The following ST6GALNAC3 variants were observed in gnomAD, a reference collection of about 807,000 sequenced individuals.
ST6GALNAC3 encodes ST6 N-acetylgalactosaminide alpha-2,6-sialyltransferase 3.
ST6GALNAC3 carries 25 observed loss-of-function variants against 32.7 expected under a neutral mutation model. That is an observed-to-expected ratio of 0.76 (90% CI 0.56 to 1.07). ST6GALNAC3 has a LOEUF of 1.07. ST6GALNAC3 is among the 50% of genes least tolerant of loss of function. The pLI is 0.00. For missense variants in ST6GALNAC3, 355 were observed against 382.4 expected, an observed-to-expected ratio of 0.93 and a Z score of 0.60; for synonymous variants, 129 against 133.1, an observed-to-expected ratio of 0.97 and a Z score of 0.21.
chr1:76,546,405 G>T (rs1664301690), intron 3 of ST6GALNAC3, among the ~76,000 whole-genome samples: 1 of 152,092 alleles, frequency 6.6e-6, no homozygotes, highest in Non-Finnish European at 1.5e-5. Context: ...ACAACTGTGG[G>T]TCTGACTCTT....
chr1:76,594,223 A>G (rs1017026026), intron 3 of ST6GALNAC3, among the ~76,000 whole-genome samples: 13 of 152,204 alleles, frequency 8.5e-5, no homozygotes, highest in African/African-American at 2.9e-4. Context: ...AGCTATTTCT[A>G]CATATCCAGA....
intron 3 of ST6GALNAC3, among the ~76,000 whole-genome samples, chr1:76,605,475 T>G (rs116399844): frequency 7.6e-4 from 115 of 152,224 alleles, no homozygotes; most frequent in African/African-American, 2.7e-3. Flanking sequence ...GGGAGAAATT[T>G]TTTGCAATCT....
Position 76,540,720 on chromosome 1 carries a change from A to T in ST6GALNAC3, c.624-86732A>T, listed in dbSNP as rs1663939182. ...GGAGTGTTGCCATTAATTAAAGAAG[A>T]TAATATTTAGAAAGGCAATTTGAAA... On this transcript the variant is annotated intron_variant, in intron 3 of 4. Coordinates refer to ENST00000328299, the MANE Select transcript of ST6GALNAC3 (RefSeq NM_152996.4). 3.3e-5 allele frequency among the ~76,000 whole-genome samples: 5 copies of T among 152,272 alleles called. No individual in the cohort carries two copies. The South Asian group carries it at 1.0e-3, about 32-fold the overall frequency.
At chr1:76,530,715 C>G (rs1663200231) in intron 3 of ST6GALNAC3, among the ~76,000 whole-genome samples, 1 of 152,084 alleles carries the variant, frequency 6.6e-6, no homozygotes, top group African/African-American at 2.4e-5. Context: ...AGGATCCTTA[C>G]AAAACAAATG....
chr1:76,522,266 A>T (rs1662590409), intron 3 of ST6GALNAC3, among the ~76,000 whole-genome samples: 1 of 151,988 alleles, frequency 6.6e-6, no homozygotes, highest in Non-Finnish European at 1.5e-5. Flanking sequence ...GATATGCCTT[A>T]ATGGTTTAAA....
chr1:76,438,489 C>T (rs768938110), intron 3 of ST6GALNAC3, among the ~76,000 whole-genome samples: 37 of 152,268 alleles, frequency 2.4e-4, no homozygotes, highest in Middle Eastern at 3.4e-3. Flanking sequence ...TTCCTAGAAA[C>T]CTCTTCAACA....
chr1:76,596,590 AT>A (rs1647141578), intron 3 of ST6GALNAC3, among the ~76,000 whole-genome samples: 1 of 152,176 alleles, frequency 6.6e-6, no homozygotes, highest in East Asian at 1.9e-4. Context: ...GCAGCTATCA[AT>A]TTTTTTATTT....
intron 3 of ST6GALNAC3, among the ~76,000 whole-genome samples, chr1:76,424,334 A>C (rs1226518511): frequency 6.6e-6 from 1 of 151,922 alleles, no homozygotes; most frequent in East Asian, 1.9e-4. Flanking sequence ...ATCTGGAAAG[A>C]GATACATAAA....
At chr1:76,173,756 TAGAGAAA>T (rs1210207500) in intron 1 of ST6GALNAC3, among the ~76,000 whole-genome samples, 1 of 152,154 alleles carries the variant, frequency 6.6e-6, no homozygotes, top group Non-Finnish European at 1.5e-5. Context: ...CACTGATCAT[TAGAGAAA>T]TGCAAATCAA....
chr1:76,188,660 A>G (rs1653718843), intron 1 of ST6GALNAC3, among the ~76,000 whole-genome samples: 1 of 152,178 alleles, frequency 6.6e-6, no homozygotes, highest in African/African-American at 2.4e-5. Flanking sequence ...ATAGACTACT[A>G]CTGACTGGAA....
chr1:76,406,188 A>C (rs1425692886), intron 2 of ST6GALNAC3, among the ~76,000 whole-genome samples: 1 of 151,990 alleles, frequency 6.6e-6, no homozygotes, highest in Non-Finnish European at 1.5e-5. Flanking sequence ...TGAGTTAGAG[A>C]CCTCTTGACA....
At chr1:76,533,138 G>A (rs928161733) in intron 3 of ST6GALNAC3, among the ~76,000 whole-genome samples, 1 of 152,128 alleles carries the variant, frequency 6.6e-6, no homozygotes, top group African/African-American at 2.4e-5. Flanking sequence ...ATAGAGATCC[G>A]GGAGTTACAG....
chr1:76,484,027 G>A (rs1045767511), intron 3 of ST6GALNAC3, among the ~76,000 whole-genome samples: 1 of 152,072 alleles, frequency 6.6e-6, no homozygotes, highest in Admixed American at 6.6e-5. Context: ...AGATCAGATG[G>A]TTGTAAATGT....
chr1:76,404,593 T>C (rs1328112287), intron 2 of ST6GALNAC3, among the ~76,000 whole-genome samples: 4 of 152,126 alleles, frequency 2.6e-5, no homozygotes, highest in Non-Finnish European at 5.9e-5. Context: ...GCCGTCATTA[T>C]ACATGTTGAA....
intron 1 of ST6GALNAC3, among the ~76,000 whole-genome samples, chr1:76,276,645 G>A (rs1570661610): frequency 6.6e-6 from 1 of 152,078 alleles, no homozygotes; most frequent in East Asian, 1.9e-4. Context: ...ACATTGTTGT[G>A]CCTGCATGGA....
At chr1:76,356,775 C>T (rs1041560950) in intron 2 of ST6GALNAC3, among the ~76,000 whole-genome samples, 3 of 152,174 alleles carry the variant, frequency 2.0e-5, no homozygotes, top group Non-Finnish European at 4.4e-5. Flanking sequence ...CAGGGATCTT[C>T]GGTGCCTGAG....
At chr1:76,183,851 A>AATATATATATATATATAT (rs71071991) in intron 1 of ST6GALNAC3, among the ~76,000 whole-genome samples, 1,429 of 117,470 alleles carry the variant, frequency 0.012, 23 homozygotes, top group African/African-American at 0.024. Flanking sequence ...GTAGTGCATG[A>AATATATATATATATATAT]ATATATATAT....
intron 1 of ST6GALNAC3, among the ~76,000 whole-genome samples, chr1:76,167,311 A>G (rs1224547746): frequency 6.6e-6 from 1 of 152,110 alleles, no homozygotes; most frequent in Non-Finnish European, 1.5e-5. Context: ...ATTGATTTGC[A>G]TGTGTTGAAC....
intron 3 of ST6GALNAC3, among the ~76,000 whole-genome samples, chr1:76,618,843 G>A (rs1648459126): frequency 6.6e-6 from 1 of 152,150 alleles, no homozygotes; most frequent in South Asian, 2.1e-4. Flanking sequence ...ACCTATCACA[G>A]CAAGTCATTT....
Sources: allele counts gnomAD v4.1 joint callset (sites outside exome capture counted in the v4.1 genomes callset), GRCh38; gene constraint gnomAD v4.1.1; transcripts MANE v1.5; gene names NCBI Gene and HGNC (gene_info 2026-07-23, HGNC 2026-07-21).